The following RAF1 variants were observed in gnomAD, a reference collection of about 807,000 sequenced individuals.
The protein encoded by RAF1 is Raf-1 proto-oncogene, serine/threonine kinase.
RAF1 carries 27 observed loss-of-function variants against 81.1 expected under a neutral mutation model. The ratio of observed to expected loss-of-function variants is 0.33; its 90% CI spans 0.25 to 0.46. RAF1 has a LOEUF of 0.46. Among genes scored for constraint, RAF1 ranks in the 20% least tolerant of loss-of-function variants. The probability of loss-of-function intolerance (pLI) is 1.00; values close to 1 mark genes in which losing one functional copy is unlikely to be tolerated. For missense variants in RAF1, 598 were observed against 826.0 expected, an observed-to-expected ratio of 0.72 and a Z score of 3.38; for synonymous variants, 298 against 294.0, an observed-to-expected ratio of 1.01 and a Z score of -0.14.
chr3:12,603,439 T>A (rs2058925245), intron 8 of RAF1: 1 of 676,710 alleles, frequency 1.5e-6, no homozygotes. Context: ...GCAATCCTGT[T>A]AATTACAAGA....
intron 1 of RAF1, among the ~76,000 whole-genome samples, chr3:12,629,418 G>T (rs114267857): frequency 2.0e-5 from 3 of 152,236 alleles, no homozygotes; most frequent in Non-Finnish European, 4.4e-5. Context: ...CTAAGCAGCA[G>T]CAACAATAAT....
At chr3:12,634,540 A>C (rs1185557546) in intron 1 of RAF1, among the ~76,000 whole-genome samples, 1 of 152,200 alleles carries the variant, frequency 6.6e-6, no homozygotes, top group Non-Finnish European at 1.5e-5. Context: ...ATAGGAAAGA[A>C]GCGAAGGAAA....
chr3:12,649,600 C>CAT (rs1163449714), intron 1 of RAF1, among the ~76,000 whole-genome samples: 1 of 92,984 alleles, frequency 1.1e-5, no homozygotes, highest in Non-Finnish European at 2.2e-5. Flanking sequence ...CACACACACA[C>CAT]ACACACACAC....
chr3:12,661,305 T>C (rs1559499838), intron 1 of RAF1, among the ~76,000 whole-genome samples: 3 of 152,242 alleles, frequency 2.0e-5, no homozygotes, highest in African/African-American at 7.2e-5. Context: ...AAATAGTTTA[T>C]AAAATACACT....
chr3:12,607,703 A>C (rs1047511544), intron 5 of RAF1, among the ~76,000 whole-genome samples: 3 of 151,960 alleles, frequency 2.0e-5, no homozygotes, highest in Admixed American at 2.0e-4. Flanking sequence ...CTGTAATCCC[A>C]GCACTTTGGG....
Position 12,623,272 on chromosome 3 carries a change from A to G in RAF1, c.-26-4525T>C, listed in dbSNP as rs977722073. 3.9e-5 allele frequency among the ~76,000 whole-genome samples: 6 copies of G among 152,290 alleles called. No individual in the cohort carries two copies. In the East Asian group the frequency reaches 7.7e-4, roughly 20 times the overall value. The stretch of plus-strand genomic sequence containing the variant: ...CAATCGATTGGTGAAGAATCCACTG[A>G]TAAGACTAAAATGTAACCTCAGTCC... On this transcript the variant is annotated intron_variant, in intron 1 of 17. Coordinates refer to ENST00000442415, the MANE Select transcript of RAF1 (RefSeq NM_001354689.3).
At chr3:12,604,540 A>C (rs1287789268) in intron 6 of RAF1, among the ~76,000 whole-genome samples, 1 of 152,176 alleles carries the variant, frequency 6.6e-6, no homozygotes, top group Non-Finnish European at 1.5e-5. Context: ...GTGCATTATA[A>C]GTTTTCTTTT....
At chr3:12,599,832 T>A (rs371819471) in intron 10 of RAF1, 24 bp from the exon 10 acceptor site, 42 of 1,533,764 alleles carry the variant, frequency 2.7e-5, no homozygotes, top group Non-Finnish European at 3.7e-5. Context: ...AGATCATTAT[T>A]ATACTCCATG....
chr3:12,644,554 T>G (rs1223491015), intron 1 of RAF1, among the ~76,000 whole-genome samples: 4 of 152,164 alleles, frequency 2.6e-5, no homozygotes, highest in Non-Finnish European at 5.9e-5. Flanking sequence ...TGGACAAACT[T>G]AGGGTTAAGG....
intron 1 of RAF1, among the ~76,000 whole-genome samples, chr3:12,650,226 A>G (rs1260263366): frequency 6.6e-6 from 1 of 151,840 alleles, no homozygotes; most frequent in Non-Finnish European, 1.5e-5. Context: ...CAGGAGGCTA[A>G]GATAGAAGGA....
At chr3:12,636,017 G>A (rs1312996425) in intron 1 of RAF1, among the ~76,000 whole-genome samples, 5 of 151,528 alleles carry the variant, frequency 3.3e-5, no homozygotes, top group Non-Finnish European at 7.4e-5. Context: ...CAGGCGTGGT[G>A]GCTCATGTCT....
intron 3 of RAF1, 75 bp from the exon 4 acceptor site, chr3:12,609,410 T>G: frequency 1.1e-6 from 1 of 938,828 alleles, no homozygotes; most frequent in Non-Finnish European, 1.8e-6. Flanking sequence ...CAGCTACCAT[T>G]TATCACATGC....
chr3:12,654,438 C>A lies in RAF1; in HGVS notation c.-27+9375G>T, dbSNP rs1212412645. ...GCAACATGGCAAAACCCCATCTCTA[C>A]AAAAAATACAAAAATTAGCTGAGTG... On this transcript the variant is annotated intron_variant, in intron 1 of 17. Coordinates refer to ENST00000442415, the MANE Select transcript of RAF1 (RefSeq NM_001354689.3). Among the ~76,000 whole-genome samples, 7 of 151,902 alleles carry A rather than the reference C, an allele frequency of 4.6e-5. No homozygotes were observed. The East Asian group carries it at 1.4e-3, about 31-fold the overall frequency.
intron 10 of RAF1, among the ~76,000 whole-genome samples, 167 bp downstream of exon 9, chr3:12,599,985 A>G: frequency 6.6e-6 from 1 of 152,246 alleles, no homozygotes; most frequent in Middle Eastern, 3.2e-3. Context: ...AGCACTGGCA[A>G]ACTGTCTGAT....
Position 12,609,299 on chromosome 3 carries a change from C to T in RAF1, c.357G>A (p.Ala119=), listed in dbSNP as rs146709846. The change falls in exon 4 of 18, where the codon GCG becomes GCA. Residue 119 remains alanine (A), a synonymous_variant. Coordinates refer to ENST00000442415, the MANE Select transcript of RAF1 (RefSeq NM_001354689.3). Reference sequence around the variant, plus strand: ...CTTGAAGTTCTTCTCCAATCAAAGACGCAGCATCAGTATTCCAATCTAAGC... The same window carrying T: ...CTTGAAGTTCTTCTCCAATCAAAGATGCAGCATCAGTATTCCAATCTAAGC... The T allele has an allele frequency of 3.8e-5, 62 of 1,613,516 alleles. No homozygotes were observed. The highest frequency in any genetic ancestry group is 2.9e-4 in the South Asian group (26 of 91,066).
At chr3:12,608,262 A>C (rs1181164996) in intron 5 of RAF1, among the ~76,000 whole-genome samples, 4 of 152,178 alleles carry the variant, frequency 2.6e-5, no homozygotes, top group Non-Finnish European at 5.9e-5. Flanking sequence ...TTGTCTCCTG[A>C]AAGAAACAAG....
chr3:12,607,374 G>A (rs2059067011), intron 5 of RAF1, among the ~76,000 whole-genome samples: 1 of 152,284 alleles, frequency 6.6e-6, no homozygotes, highest in South Asian at 2.1e-4. Flanking sequence ...GCCGCCGGAT[G>A]CGGTGGCTCA....
intron 1 of RAF1, 53 bp from the exon 2 acceptor site, chr3:12,618,800 G>T: frequency 7.6e-7 from 1 of 1,320,842 alleles, no homozygotes. Context: ...TTCAACCCAA[G>T]AACACAATAC....
intron 2 of RAF1, among the ~76,000 whole-genome samples, chr3:12,613,410 C>G (rs951571716): frequency 2.6e-5 from 4 of 151,326 alleles, no homozygotes; most frequent in Admixed American, 6.6e-5. Context: ...ACCGCTCCCC[C>G]ACCCCGCCAT....
Sources: allele counts gnomAD v4.1 joint callset (sites outside exome capture counted in the v4.1 genomes callset), GRCh38; gene constraint gnomAD v4.1.1; transcripts MANE v1.5; gene names NCBI Gene and HGNC (gene_info 2026-07-23, HGNC 2026-07-21).